TMEM240: variants seen among roughly 807,000 people sequenced by gnomAD.
The protein encoded by TMEM240 is transmembrane protein C1orf70.
TMEM240 carries 3 observed loss-of-function variants against 19.5 expected under a neutral mutation model. That is an observed-to-expected ratio of 0.15 (90% CI 0.07 to 0.40). TMEM240 has a LOEUF of 0.40. Ranked by LOEUF, TMEM240 falls within the 10% of genes least tolerant of loss-of-function variation. The pLI is 1.00. For synonymous variants in TMEM240, 123 were observed against 109.3 expected, an observed-to-expected ratio of 1.13 and a Z score of -0.78; for missense variants, 210 against 253.5, an observed-to-expected ratio of 0.83 and a Z score of 1.17.
intron 2 of TMEM240, among the ~76,000 whole-genome samples, chr1:1,537,084 G>C (rs962395118): frequency 1.3e-5 from 2 of 152,012 alleles, no homozygotes; most frequent in East Asian, 3.9e-4. Context: ...TGTGCCCAGC[G>C]GGGACCACAC....
chr1:1,540,376 G>T lies in TMEM240; in HGVS notation c.-30C>A. On this transcript the variant is annotated 5_prime_UTR_variant, in exon 1 of 4. Coordinates refer to ENST00000378733, the MANE Select transcript of TMEM240 (RefSeq NM_001114748.2). ...CGGGGCCGGGCCGGGCCGGAGCGCC[G>T]CCCCCCGGCCCCGGCGCCCCCCCGG... The T allele has an allele frequency of 4.6e-6, 5 of 1,092,912 alleles. No homozygotes were observed. The highest frequency in any genetic ancestry group is 4.5e-6 in the Non-Finnish European group (4 of 882,632). 67.7% of individuals were successfully genotyped at this position (1,092,912 alleles called of 1,614,324 possible). A position where few individuals can be genotyped will look rare whatever the true frequency, so the allele number is the denominator to read the frequency against.
rs553440650 is a variant in TMEM240 at position 1,535,930 on chromosome 1, G to A, written c.165-133C>T. 2.3e-5 allele frequency: 14 copies of A among 621,598 alleles called. 1 individual carries two copies. Among genetic ancestry groups the A allele is most frequent in the African/African-American group, 5.5e-5 (3 of 54,490 alleles). 38.5% of individuals were successfully genotyped at this position (621,598 alleles called of 1,614,324 possible). ...GGTTCTCTGAAGCAGCCTCTTGGGC[G>A]GGCGGGTCGGGAAGGGGGCACCAGA... On this transcript the variant is annotated intron_variant, in intron 2 of 3. Transcript: ENST00000378733. This position sits in a 1 kb window ranked among gnomAD's most constrained non-coding sequence, Gnocchi z 8.2.
rs1187209466 is a variant in TMEM240 at position 1,536,430 on chromosome 1, G to A, written c.165-633C>T. Among the ~76,000 whole-genome samples the A allele has an allele frequency of 6.6e-6, 1 of 152,182 alleles. No homozygotes were observed. Among genetic ancestry groups the A allele is most frequent in the Non-Finnish European group, 1.5e-5 (1 of 68,014 alleles). ...AGCACCCCATCCTCTCCCCTTCCTG[G>A]GGGACGCCCCCTTGCCCTTGCCTGG... On this transcript the variant is annotated intron_variant, in intron 2 of 3. Coordinates refer to ENST00000378733, the MANE Select transcript of TMEM240 (RefSeq NM_001114748.2). The surrounding 1 kb of genome is among the most constrained non-coding windows in gnomAD (Gnocchi z 5.4).
rs971796054 is a variant in TMEM240 at position 1,535,266 on chromosome 1, G to A, written c.*93C>T. The A allele has an allele frequency of 1.5e-5, 21 of 1,441,746 alleles. No individual in the cohort carries two copies. Among genetic ancestry groups the A allele is most frequent in the Non-Finnish European group, 1.9e-5 (20 of 1,072,312 alleles). 89.3% of individuals were successfully genotyped at this position (1,441,746 alleles called of 1,614,324 possible). A position where few individuals can be genotyped will look rare whatever the true frequency, so the allele number is the denominator to read the frequency against. On this transcript the variant is annotated 3_prime_UTR_variant, in exon 4 of 4. Coordinates refer to ENST00000378733, the MANE Select transcript of TMEM240 (RefSeq NM_001114748.2). This position sits in a 1 kb window ranked among gnomAD's most constrained non-coding sequence, Gnocchi z 8.2. ...CGGACAACCTGGGCCCAGGGCTGCTGTCCAGTCCCGCCGGCCCGGGCGTCC... is the reference window on the plus strand; with the variant it reads ...CGGACAACCTGGGCCCAGGGCTGCTATCCAGTCCCGCCGGCCCGGGCGTCC...
Position 1,540,160 on chromosome 1 carries a change from C to T in TMEM240, c.57+130G>A, listed in dbSNP as rs1407930611. 2.4e-5 allele frequency: 5 copies of T among 207,052 alleles called. No homozygotes were observed. In the African/African-American group the frequency reaches 2.8e-4, roughly 11 times the overall value. 12.8% of individuals were successfully genotyped at this position (207,052 alleles called of 1,614,324 possible). A position where few individuals can be genotyped will look rare whatever the true frequency, so the allele number is the denominator to read the frequency against. On this transcript the variant is annotated intron_variant, in intron 1 of 3. Coordinates refer to ENST00000378733, the MANE Select transcript of TMEM240 (RefSeq NM_001114748.2). ...CGCAGGCCGGGGAGGGGAGCGCAGG[C>T]CGGGGAGGGGAGCGCAGGCCGGGGA...
At chr1:1,539,871 C>T in intron 1 of TMEM240, 81 bp from the exon 2 acceptor site, 1 of 477,746 alleles carries the variant, frequency 2.1e-6, no homozygotes, top group Non-Finnish European at 3.2e-6. Context: ...AGGCCGGGGT[C>T]GGGGCAGCGC....
rs532021282 is a variant in TMEM240 at position 1,535,620 on chromosome 1, G to C, written c.342C>G (p.Ala114=). 67 of 1,549,612 alleles carry C rather than the reference G, an allele frequency of 4.3e-5. No homozygotes were observed. Among genetic ancestry groups the C allele is most frequent in the Non-Finnish European group, 5.6e-5 (64 of 1,146,518 alleles). The change falls in exon 3 of 4, where the codon GCC becomes GCG. Residue 114 remains alanine, a synonymous_variant. Transcript: ENST00000378733. This position sits in a 1 kb window ranked among gnomAD's most constrained non-coding sequence, Gnocchi z 8.2. The stretch of plus-strand genomic sequence containing the variant: ...GCCGTCCGGCTCTCCAGGCGCGCAC[G>C]GCGCAGTGCAGGACGCCGTCCATCC... ...LVWMDGVLHC[A]VRAWRAGRRY...
At chr1:1,537,674 G>C (rs1642242985) in intron 2 of TMEM240, among the ~76,000 whole-genome samples, 1 of 152,190 alleles carries the variant, frequency 6.6e-6, no homozygotes, top group Admixed American at 6.5e-5. Flanking sequence ...ACACACACCA[G>C]GTGTGTCCAC....
Position 1,540,295 on chromosome 1 carries a change from C to G in TMEM240, c.52G>C (p.Val18Leu). The change falls in exon 1 of 4, where the codon GTG becomes CTG. Residue 18 changes from valine to leucine, a missense_variant. This residue lies in a region of TMEM240 where 30 missense variants were observed against 27.7 expected (regional missense o/e 1.08). Transcript: ENST00000378733. Reference protein sequence around the residue: ...MIFMILGASVVMAIACLMDMN... With the variant: ...MIFMILGASVLMAIACLMDMN... ...CGGGAAGCCCCTCCGCTCACCATCA[C>G]GACCGACGCCCCCAGAATCATGAAG... 7.4e-7 allele frequency: 1 copy of G among 1,342,510 alleles called. No individual in the cohort carries two copies. Among genetic ancestry groups the G allele is most frequent in the Non-Finnish European group, 9.6e-7 (1 of 1,039,034 alleles). 83.2% of individuals were successfully genotyped at this position (1,342,510 alleles called of 1,614,324 possible). A position where few individuals can be genotyped will look rare whatever the true frequency, so the allele number is the denominator to read the frequency against.
In TMEM240 at chr1:1,535,705, T is replaced by C; in HGVS notation, c.257A>G (p.Gln86Arg). ...CAGCCCCAGCATGAGGTCGATCTCC[T>C]GCTTGGTCACACTGTCCGTCACAAA... ...NYFVTDSVTK[Q>R]EIDLMLGLLL... The change falls in exon 3 of 4, where the codon CAG becomes CGG. Residue 86 changes from glutamine (Q) to arginine (R), a missense_variant. Physicochemically the swap from Gln to Arg is conservative, Grantham distance 43. Around this residue, in one of 3 missense-constraint regions of TMEM240, gnomAD observed 157 missense variants for 168.2 expected, o/e 0.93. Transcript: ENST00000378733. The surrounding 1 kb of genome is among the most constrained non-coding windows in gnomAD (Gnocchi z 8.2). 6.5e-7 allele frequency: 1 copy of C among 1,550,370 alleles called. No individual in the cohort carries two copies. Among genetic ancestry groups the C allele is most frequent in the Non-Finnish European group, 8.7e-7 (1 of 1,146,748 alleles).
rs1642272365 is a variant in TMEM240 at position 1,539,784 on chromosome 1, C to T, written c.64G>A (p.Ala22Thr). The T allele has an allele frequency of 6.5e-7, 1 of 1,546,360 alleles. No individual in the cohort carries two copies. Among genetic ancestry groups the T allele is most frequent in the East Asian group, 2.5e-5 (1 of 40,718 alleles). Residue 22 changes from alanine to threonine, a missense_variant, in exon 2 of 4, where the codon GCG becomes ACG. By Grantham distance (58) the Ala-to-Thr change is moderately conservative. Transcript: ENST00000378733. ...AGCGCGTTCATGTCCATCAAGCACGCGATGGCCTGGAAGAGCTCATGACCG... is the reference window on the plus strand; with the variant it reads ...AGCGCGTTCATGTCCATCAAGCACGTGATGGCCTGGAAGAGCTCATGACCG... ...ILGASVVMAIACLMDMNALLD... is the reference protein window; with the variant it reads ...ILGASVVMAITCLMDMNALLD...
At position 1,535,931 on chromosome 1, in the gene TMEM240, G is replaced by A; in HGVS notation, c.165-134C>T. On this transcript the variant is annotated intron_variant, in intron 2 of 3. Transcript: ENST00000378733. This position sits in a 1 kb window ranked among gnomAD's most constrained non-coding sequence, Gnocchi z 8.2. ...GTTCTCTGAAGCAGCCTCTTGGGCG[G>A]GCGGGTCGGGAAGGGGGCACCAGAC... 1.6e-6 allele frequency: 1 copy of A among 623,472 alleles called. No individual in the cohort carries two copies. The allele number at this position is 623,472 out of a possible 1,614,324, so 38.6% of individuals were successfully genotyped here. A position where few individuals can be genotyped will look rare whatever the true frequency, so the allele number is the denominator to read the frequency against.
chr1:1,535,425 G>A lies in TMEM240; in HGVS notation c.456C>T (p.Ala152=), dbSNP rs747773729. Reference sequence around the variant, plus strand: ...TCTGCTTCACGTGTACCATGTTCCCGGCGGCCTCCTCGAAGGGCCTGTGCG... The same window carrying A: ...TCTGCTTCACGTGTACCATGTTCCCAGCGGCCTCCTCGAAGGGCCTGTGCG... ...RRPHRPFEEA[A]GNMVHVKQKL... The change falls in exon 4 of 4, where the codon GCC becomes GCT. Residue 152 remains alanine, a synonymous_variant. Coordinates refer to ENST00000378733, the MANE Select transcript of TMEM240 (RefSeq NM_001114748.2). This position sits in a 1 kb window ranked among gnomAD's most constrained non-coding sequence, Gnocchi z 8.2. 6.0e-5 allele frequency: 93 copies of A among 1,549,530 alleles called. No homozygotes were observed. Among genetic ancestry groups the A allele is most frequent in the South Asian group, 4.8e-4 (40 of 84,008 alleles).
intron 1 of TMEM240, 83 bp from the exon 2 acceptor site, chr1:1,539,873 G>C: frequency 1.6e-6 from 2 of 1,216,556 alleles, no homozygotes; most frequent in South Asian, 1.4e-5. Flanking sequence ...GCCGGGGTCG[G>C]GGCAGCGCAA....
chr1:1,536,053 C>T lies in TMEM240; in HGVS notation c.165-256G>A, dbSNP rs999180544. Among the ~76,000 whole-genome samples, 3 of 152,122 alleles carry T rather than the reference C, an allele frequency of 2.0e-5. No homozygotes were observed. Among genetic ancestry groups the T allele is most frequent in the Non-Finnish European group, 4.4e-5 (3 of 67,984 alleles). On this transcript the variant is annotated intron_variant, in intron 2 of 3. Coordinates refer to ENST00000378733, the MANE Select transcript of TMEM240 (RefSeq NM_001114748.2). This position sits in a 1 kb window ranked among gnomAD's most constrained non-coding sequence, Gnocchi z 5.4. Reference sequence around the variant, plus strand: ...AAGTCCGGGCAGACAGCGGGACCAGCTGCCGGCGAGGGTGTCGGCCCTCAC... The same window carrying T: ...AAGTCCGGGCAGACAGCGGGACCAGTTGCCGGCGAGGGTGTCGGCCCTCAC...
Position 1,539,807 on chromosome 1 carries a change from C to T in TMEM240, c.58-17G>A. The T allele has an allele frequency of 1.3e-6, 2 of 1,543,900 alleles. No homozygotes were observed. The highest frequency in any genetic ancestry group is 1.7e-6 in the Non-Finnish European group (2 of 1,144,308). On this transcript the variant is annotated splice_polypyrimidine_tract_variant and intron_variant, in intron 1 of 3. Coordinates refer to ENST00000378733, the MANE Select transcript of TMEM240 (RefSeq NM_001114748.2). ...CGCGATGGCCTGGAAGAGCTCATGA[C>T]CGGTCAGCGCCAAGGAGCGGGCGGG...
intron 2 of TMEM240, among the ~76,000 whole-genome samples, chr1:1,537,160 T>G (rs1571148): frequency 0.55 from 83,949 of 151,706 alleles, 26,965 homozygotes; most frequent in East Asian, 0.87. Context: ...GGAGGAGGTG[T>G]CCCCTGCCCC....
At position 1,535,260 on chromosome 1, in the gene TMEM240, G is replaced by C; in HGVS notation, c.*99C>G. 2 of 1,392,332 alleles carry C rather than the reference G, an allele frequency of 1.4e-6. No homozygotes were observed. The highest frequency in any genetic ancestry group is 1.9e-6 in the Non-Finnish European group (2 of 1,035,658). 86.2% of individuals were successfully genotyped at this position (1,392,332 alleles called of 1,614,324 possible). On this transcript the variant is annotated 3_prime_UTR_variant, in exon 4 of 4. Transcript: ENST00000378733. The surrounding 1 kb of genome is among the most constrained non-coding windows in gnomAD (Gnocchi z 8.2). The stretch of plus-strand genomic sequence containing the variant: ...CAGCCCCGGACAACCTGGGCCCAGG[G>C]CTGCTGTCCAGTCCCGCCGGCCCGG...
At position 1,535,818 on chromosome 1, in the gene TMEM240, T is replaced by C; in HGVS notation, c.165-21A>G. 1 of 1,541,476 alleles carries C rather than the reference T, an allele frequency of 6.5e-7. No homozygotes were observed. The highest frequency in any genetic ancestry group is 8.8e-7 in the Non-Finnish European group (1 of 1,140,684). ...GGTGCCTGGGGGCGGCAGGGCGGGC[T>C]GGCACCTCTCCCGCCACCCCCGGCC... is the stretch of plus-strand genomic sequence containing the variant. On this transcript the variant is annotated intron_variant, in intron 2 of 3. Transcript: ENST00000378733. This position sits in a 1 kb window ranked among gnomAD's most constrained non-coding sequence, Gnocchi z 8.2.
Sources: allele counts gnomAD v4.1 joint callset (sites outside exome capture counted in the v4.1 genomes callset), GRCh38; gene constraint gnomAD v4.1.1; regional missense constraint gnomAD v4.1.1; non-coding constraint Gnocchi (gnomAD v3.1); transcripts MANE v1.5; gene names NCBI Gene and HGNC (gene_info 2026-07-23, HGNC 2026-07-21).